Variants in ACAA2 observed in about 807,000 individuals in gnomAD.
ACAA2 encodes the protein 3-ketoacyl-CoA thiolase, mitochondrial.
A neutral mutation model predicts 44.8 loss-of-function variants in ACAA2; 35 were observed. The observed-to-expected ratio is 0.78, with a 90% CI of 0.60 to 1.04. ACAA2 has a LOEUF of 1.04. Among genes scored for constraint, ACAA2 ranks in the 50% least tolerant of loss-of-function variants. ACAA2 has a pLI of 0.00. For missense variants in ACAA2, 468 were observed against 482.6 expected, an observed-to-expected ratio of 0.97 and a Z score of 0.28; for synonymous variants, 142 against 166.5, an observed-to-expected ratio of 0.85 and a Z score of 1.13.
At chr18:49,803,380 G>GCCCCCAGTCACGTTCCCC (rs2023579302) in intron 1 of ACAA2, among the ~76,000 whole-genome samples, 1 of 151,902 alleles carries the variant, frequency 6.6e-6, no homozygotes, top group Non-Finnish European at 1.5e-5. Flanking sequence ...AATGCATGTA[G>GCCCCCAGTCACGTTCCCC]CCCCCAGTCA....
chr18:49,809,162 G>A (rs763007221), intron 1 of ACAA2, among the ~76,000 whole-genome samples: 16 of 152,222 alleles, frequency 1.1e-4, no homozygotes, highest in Non-Finnish European at 1.8e-4. Flanking sequence ...GCCCGACCCC[G>A]CAGGCAGTAA....
rs1233859886 is a variant in ACAA2, at chr18:49,783,908, A to G, written c.1133T>C (p.Val378Ala). Residue 378 changes from valine to alanine, a missense_variant, in exon 10 of 10, where the codon GTT becomes GCT. Coordinates refer to ENST00000285093, the MANE Select transcript of ACAA2 (RefSeq NM_006111.3). ...GCCACCTCCAATGCAAGCTGATCCA[A>G]CGGCATATTTTCCACCTCGACGCCT... is the stretch of plus-strand genomic sequence containing the variant. ...ELRRRGGKYA[V>A]GSACIGGGQG... The G allele has an allele frequency of 2.5e-6, 4 of 1,614,006 alleles. No homozygotes were observed. Among genetic ancestry groups the G allele is most frequent in the Admixed American group, 1.7e-5 (1 of 60,010 alleles).
At chr18:49,802,179 G>C (rs1410233929) in intron 2 of ACAA2, among the ~76,000 whole-genome samples, 1 of 152,164 alleles carries the variant, frequency 6.6e-6, no homozygotes, top group Non-Finnish European at 1.5e-5. Context: ...TCCCAAGTCA[G>C]ACATACAGTT....
chr18:49,804,480 AACC>A (rs1386430008), intron 1 of ACAA2, among the ~76,000 whole-genome samples: 1 of 152,190 alleles, frequency 6.6e-6, no homozygotes, highest in Non-Finnish European at 1.5e-5. Flanking sequence ...GAAGTCAGCT[AACC>A]TGTAAGTCCC....
In ACAA2 at chr18:49,805,718, A is replaced by G. The variant is rs1010371285; in HGVS notation, c.17-2865T>C. Among the ~76,000 whole-genome samples the G allele has an allele frequency of 2.6e-5, 4 of 151,930 alleles. No individual in the cohort carries two copies. The East Asian group carries it at 7.7e-4, about 29-fold the overall frequency. The stretch of plus-strand genomic sequence containing the variant: ...CAGCCTCCCAAGTAGGTAGGACTAC[A>G]GGCATGTGCCACCACACCTGGCTAA... On this transcript the variant is annotated intron_variant, in intron 1 of 9. Transcript: ENST00000285093.
intron 8 of ACAA2, among the ~76,000 whole-genome samples, chr18:49,786,874 G>C (rs2023336295): frequency 6.6e-6 from 1 of 152,136 alleles, no homozygotes; most frequent in African/African-American, 2.4e-5. Context: ...TTTAAGGGAG[G>C]GGGCTCTATC....
At chr18:49,787,855 TG>T (rs1568584895) in intron 7 of ACAA2, among the ~76,000 whole-genome samples, 3 of 152,168 alleles carry the variant, frequency 2.0e-5, no homozygotes. Context: ...GTGCTCTACT[TG>T]GGATCCAAGC....
Position 49,785,218 on chromosome 18 carries a change from G to A in ACAA2, c.1088C>T (p.Ala363Val), listed in dbSNP as rs1195376199. The change falls in exon 9 of 10, where the codon GCA becomes GTA. Residue 363 changes from alanine to valine, a missense_variant. Transcript: ENST00000285093. ...ATACCTTAATTCGTGAACCAGGTGT[G>A]CAGTAATTCTTGATCCAGATCCTCC... ...PLGGSGSRIT[A>V]HLVHELRRRG... 1.2e-6 allele frequency: 2 copies of A among 1,613,164 alleles called. No individual in the cohort carries two copies. The highest frequency in any genetic ancestry group is 8.5e-7 in the Non-Finnish European group (1 of 1,179,874).
Position 49,791,532 on chromosome 18 carries a change from G to A in ACAA2, c.821C>T (p.Thr274Ile), listed in dbSNP as rs190780040. ...SEDAVKKHNFTPLARIVGYFV... is the reference protein window; with the variant it reads ...SEDAVKKHNFIPLARIVGYFV... ...GTAGCCCACAATTCTTGCCAGTGGTGTGAAGTTATGTTTCTTAACAGCATC... is the reference window on the plus strand; with the variant it reads ...GTAGCCCACAATTCTTGCCAGTGGTATGAAGTTATGTTTCTTAACAGCATC... The change falls in exon 7 of 10, where the codon ACA (threonine) becomes ATA (isoleucine). Residue 274 changes from threonine (T) to isoleucine (I), a missense_variant. Transcript: ENST00000285093. 89 of 1,612,812 alleles carry A rather than the reference G, an allele frequency of 5.5e-5. No homozygotes were observed. Among genetic ancestry groups the A allele is most frequent in the Non-Finnish European group, 7.0e-5 (83 of 1,179,806 alleles).
chr18:49,806,878 T>A, intron 1 of ACAA2, among the ~76,000 whole-genome samples: 1 of 147,034 alleles, frequency 6.8e-6, no homozygotes, highest in South Asian at 2.2e-4. Flanking sequence ...AAAATAGAAA[T>A]GAAAGGAGAA....
intron 6 of ACAA2, 84 bp downstream of exon 6, chr18:49,792,067 TA>T (rs1218104684): frequency 1.2e-5 from 14 of 1,125,114 alleles, no homozygotes; most frequent in Non-Finnish European, 1.8e-5. Flanking sequence ...AAGACTGGCA[TA>T]AAAAGTATTT....
intron 2 of ACAA2, among the ~76,000 whole-genome samples, chr18:49,799,520 A>G (rs1216680809): frequency 6.6e-6 from 1 of 152,164 alleles, no homozygotes; most frequent in Admixed American, 6.5e-5. Context: ...CTCAGTGCTC[A>G]ATAGTGCCCA....
intron 1 of ACAA2, among the ~76,000 whole-genome samples, chr18:49,804,265 T>C (rs1402185203): frequency 4.6e-5 from 7 of 152,136 alleles, no homozygotes; most frequent in Admixed American, 4.6e-4. Flanking sequence ...AAGTCTTCCA[T>C]CCACCAATTC....
chr18:49,796,659 T>C (rs1254299577), intron 3 of ACAA2, among the ~76,000 whole-genome samples: 2 of 152,146 alleles, frequency 1.3e-5, no homozygotes, highest in East Asian at 3.8e-4. Context: ...CATCATTCAC[T>C]TCCTTTGAAA....
chr18:49,792,315 C>G lies in ACAA2; in HGVS notation c.590G>C (p.Gly197Ala). 6.2e-7 allele frequency: 1 copy of G among 1,612,490 alleles called. No individual in the cohort carries two copies. Among genetic ancestry groups the G allele is most frequent in the Non-Finnish European group, 8.5e-7 (1 of 1,179,106 alleles). ...TGGTGCCATTTCATCATTAAAGTAG[C>G]CAGCATCATTAGCTGAAAAATAGTA... is the stretch of plus-strand genomic sequence containing the variant. ...QQRWKAANDA[G>A]YFNDEMAPIE... The change falls in exon 6 of 10, where the codon GGC becomes GCC. Residue 197 changes from glycine to alanine, a missense_variant. Physicochemically the swap from Gly to Ala is moderately conservative, Grantham distance 60. Transcript: ENST00000285093.
intron 2 of ACAA2, among the ~76,000 whole-genome samples, chr18:49,800,099 C>T (rs1442198545): frequency 6.8e-6 from 1 of 147,800 alleles, no homozygotes; most frequent in Non-Finnish European, 1.5e-5. Context: ...TCAGCCCCCA[C>T]CAGGCCAGCC....
intron 7 of ACAA2, among the ~76,000 whole-genome samples, chr18:49,790,735 T>TAAATCA (rs1378675236): frequency 4.6e-5 from 7 of 152,236 alleles, no homozygotes; most frequent in African/African-American, 1.7e-4. Context: ...GTTCTACTTC[T>TAAATCA]AAATCAAATA....
chr18:49,805,435 A>G (rs929955940), intron 1 of ACAA2, among the ~76,000 whole-genome samples: 1 of 152,236 alleles, frequency 6.6e-6, no homozygotes, highest in Non-Finnish European at 1.5e-5. Context: ...AAGGCCATAA[A>G]TACTAGTCGA....
Position 49,813,348 on chromosome 18 carries a change from G to T in ACAA2, c.16+121C>A, listed in dbSNP as rs1598806047. ...TTTTTATCACGTCCGCTCCAAAACC[G>T]AGGAGGTTGAGTGAACTTCACCCCA... On this transcript the variant is annotated intron_variant, in intron 1 of 9. Transcript: ENST00000285093. The T allele has an allele frequency of 9.1e-6, 7 of 770,168 alleles. No homozygotes were observed. In the East Asian group the frequency reaches 2.4e-4, roughly 26 times the overall value. 47.7% of individuals were successfully genotyped at this position (770,168 alleles called of 1,614,324 possible).
Sources: allele counts gnomAD v4.1 joint callset (sites outside exome capture counted in the v4.1 genomes callset), GRCh38; gene constraint gnomAD v4.1.1; transcripts MANE v1.5; gene names NCBI Gene and HGNC (gene_info 2026-07-23, HGNC 2026-07-21).